ANO2: variants seen among roughly 807,000 people sequenced by gnomAD.
ANO2 encodes anoctamin 2, also known as anoctamin-2.
In ANO2, 101 loss-of-function variants were observed where a neutral mutation model predicts 124.2. That is an observed-to-expected ratio of 0.81 (90% CI 0.69 to 0.96). ANO2 has a LOEUF of 0.96. Among genes scored for constraint, ANO2 ranks in the 40% least tolerant of loss-of-function variants. The probability of loss-of-function intolerance (pLI) is 0.00; values close to 1 mark genes in which losing one functional copy is unlikely to be tolerated. For missense variants in ANO2, 1,293 were observed against 1,274.5 expected (o/e 1.01, Z -0.22); for synonymous variants, 486 against 482.5 (o/e 1.01, Z -0.09).
At chr12:5,874,772 G>A (rs768094625) in intron 3 of ANO2, among the ~76,000 whole-genome samples, 2 of 152,184 alleles carry the variant, frequency 1.3e-5, no homozygotes, top group Non-Finnish European at 2.9e-5. Context: ...AGCCTCCAAG[G>A]ATTAGAGTCC....
At chr12:5,735,236 G>A (rs938330309) in intron 13 of ANO2, among the ~76,000 whole-genome samples, 10 of 152,074 alleles carry the variant, frequency 6.6e-5, no homozygotes, top group African/African-American at 2.2e-4. Flanking sequence ...AGCACTGGAT[G>A]GGTTATCTGA....
chr12:5,631,910 C>T (rs914862948), intron 16 of ANO2, among the ~76,000 whole-genome samples: 1 of 152,150 alleles, frequency 6.6e-6, no homozygotes, highest in Admixed American at 6.5e-5. Flanking sequence ...TGTCCCCAAA[C>T]CCACTGTTCG....
chr12:5,633,825 GA>G (rs1285745541), intron 16 of ANO2, among the ~76,000 whole-genome samples: 1 of 152,008 alleles, frequency 6.6e-6, no homozygotes, highest in East Asian at 1.9e-4. Flanking sequence ...TGCCTTTCCT[GA>G]CCCCAGGGAT....
At chr12:5,581,924 CA>C (rs1942778302) in intron 20 of ANO2, among the ~76,000 whole-genome samples, 1 of 152,164 alleles carries the variant, frequency 6.6e-6, no homozygotes, top group South Asian at 2.1e-4. Context: ...GAGGCAGAAA[CA>C]AATAGGAAGT....
intron 3 of ANO2, among the ~76,000 whole-genome samples, chr12:5,893,562 A>G (rs1939557299): frequency 6.6e-6 from 1 of 150,942 alleles, no homozygotes; most frequent in Admixed American, 6.6e-5. Context: ...ACATAGGTAT[A>G]CACAAGCCAT....
chr12:5,807,205 A>C (rs1591639166), intron 8 of ANO2, 108 bp downstream of exon 8: 1 of 902,336 alleles, frequency 1.1e-6, no homozygotes, highest in Non-Finnish European at 1.6e-6. Flanking sequence ...GTCATGATTC[A>C]CTCCTGCCTC....
intron 3 of ANO2, among the ~76,000 whole-genome samples, chr12:5,897,766 A>G (rs988410186): frequency 1.3e-5 from 2 of 152,088 alleles, no homozygotes; most frequent in Non-Finnish European, 2.9e-5. Context: ...TTCTATGTGG[A>G]CTGTGGACTT....
intron 20 of ANO2, among the ~76,000 whole-genome samples, chr12:5,584,740 A>C (rs545604165): frequency 1.3e-5 from 2 of 152,338 alleles, no homozygotes; most frequent in African/African-American, 4.8e-5. Flanking sequence ...TCGATTGTAC[A>C]CATAAATAGG....
chr12:5,901,612 A>T (rs1035977173), intron 3 of ANO2, among the ~76,000 whole-genome samples: 1 of 152,238 alleles, frequency 6.6e-6, no homozygotes, highest in African/African-American at 2.4e-5. Flanking sequence ...CGACTGCATG[A>T]TTCTGCAGAA....
chr12:5,590,139 G>A (rs146173492), intron 20 of ANO2, among the ~76,000 whole-genome samples: 18 of 152,290 alleles, frequency 1.2e-4, no homozygotes, highest in Non-Finnish European at 2.1e-4. Flanking sequence ...CCTGGCCCAT[G>A]GGCCACATAC....
intron 17 of ANO2, 61 bp downstream of exon 17, chr12:5,615,125 C>A: frequency 7.3e-7 from 1 of 1,377,426 alleles, no homozygotes; most frequent in Non-Finnish European, 1.0e-6. Flanking sequence ...ATTGTCCTGA[C>A]AGTAGAGAAC....
rs1483744652 is a variant in ANO2, at chr12:5,612,801, G to A, written c.1987-45C>T. On this transcript the variant is annotated intron_variant, in intron 18 of 24. Transcript: ENST00000682330. Reference sequence around the variant, plus strand: ...AAAGGACCGGTTAGAACAAAAGGGAGCTCTGAGAAGCAGGGGCGCGAATGA... The same window carrying A: ...AAAGGACCGGTTAGAACAAAAGGGAACTCTGAGAAGCAGGGGCGCGAATGA... 3 of 1,609,136 alleles carry A rather than the reference G, an allele frequency of 1.9e-6. No individual in the cohort carries two copies. The African/African-American group carries it at 4.0e-5, about 22-fold the overall frequency.
rs1328076440 is a variant in ANO2, at chr12:5,563,505, T to TGG, written c.2790_2791insCC (p.Ser931ProfsTer12). On this transcript the variant is annotated frameshift_variant, in exon 25 of 25. Transcript: ENST00000682330. LOFTEE classifies it high-confidence loss of function. ...CTCTTCTCTTTCTTGATCTGGTCGC[T>TGG]GATGTCCGTGGGGATGTCTGGAATC... The TGG allele has an allele frequency of 6.2e-6, 10 of 1,613,866 alleles. No individual in the cohort carries two copies. The highest frequency in any genetic ancestry group is 8.5e-6 in the Non-Finnish European group (10 of 1,179,898).
intron 7 of ANO2, among the ~76,000 whole-genome samples, chr12:5,812,698 G>A (rs1046695723): frequency 7.5e-6 from 1 of 132,774 alleles, no homozygotes; most frequent in Non-Finnish European, 1.6e-5. Flanking sequence ...GAAAGAAAGA[G>A]AAAGAAAAGA....
intron 24 of ANO2, chr12:5,564,584 G>A (rs535868416): frequency 2.6e-5 from 4 of 152,306 alleles, no homozygotes; most frequent in African/African-American, 9.7e-5. Flanking sequence ...GCTTCCAGAG[G>A]CTCCTGGGCA....
chr12:5,594,225 C>T (rs1943548819), intron 20 of ANO2, among the ~76,000 whole-genome samples: 1 of 152,174 alleles, frequency 6.6e-6, no homozygotes, highest in Non-Finnish European at 1.5e-5. Context: ...ACCTGAATTG[C>T]TCAAGAGACT....
intron 1 of ANO2, among the ~76,000 whole-genome samples, chr12:5,923,655 G>A (rs1941944372): frequency 6.6e-6 from 1 of 152,206 alleles, no homozygotes; most frequent in Non-Finnish European, 1.5e-5. Context: ...GACCACTTCA[G>A]AAAAATTCCA....
At chr12:5,873,130 GGAGT>G (rs1937818061) in intron 3 of ANO2, among the ~76,000 whole-genome samples, 1 of 149,170 alleles carries the variant, frequency 6.7e-6, no homozygotes, top group Admixed American at 6.7e-5. Flanking sequence ...AGATAAAGAC[GGAGT>G]GAGGGCTGAG....
intron 4 of ANO2, chr12:5,852,047 ACCAGAGAGAAAGGAGAATAATATATT>A: frequency 2.8e-6 from 2 of 704,586 alleles, no homozygotes; most frequent in Non-Finnish European, 5.2e-6. Context: ...ATTCAGATAA[ACCAGAGAGAAAGGAGAATAATATATT>A]GGAGTTAGAA....
Sources: gnomAD v4.1 joint callset for allele counts (sites outside exome capture counted in the v4.1 genomes callset) on GRCh38, gnomAD v4.1.1 for gene constraint, MANE v1.5 for transcripts, NCBI Gene and HGNC (gene_info 2026-07-23, HGNC 2026-07-21) for gene names.